FBXO17: variants seen among roughly 807,000 people sequenced by gnomAD.
FBXO17 encodes F-box protein 17.
In FBXO17, 43 loss-of-function variants were observed where a neutral mutation model predicts 34.1. That is an observed-to-expected ratio of 1.26 (90% CI 0.99 to 1.62). The LOEUF (loss-of-function observed/expected upper bound fraction) is 1.62, where lower values mean the gene tolerates loss of function less well. FBXO17 is among the 40% of genes most tolerant of loss of function. FBXO17 has a pLI of 0.00. For missense variants in FBXO17, 424 were observed against 386.7 expected, an observed-to-expected ratio of 1.10 and a Z score of -0.81; for synonymous variants, 169 against 166.0, an observed-to-expected ratio of 1.02 and a Z score of -0.14.
intron 1 of FBXO17, among the ~76,000 whole-genome samples, chr19:38,973,890 G>T (rs1159869838): frequency 6.6e-6 from 1 of 151,234 alleles, no homozygotes; most frequent in South Asian, 2.1e-4. Flanking sequence ...GGCTGAGGTG[G>T]GAGGATCTCT....
At chr19:38,965,919 G>C (rs530329081) in intron 1 of FBXO17, among the ~76,000 whole-genome samples, 56 of 152,196 alleles carry the variant, frequency 3.7e-4, no homozygotes, top group Non-Finnish European at 1.2e-4. Flanking sequence ...TGGAATTACA[G>C]GCATGAGCCG....
intron 1 of FBXO17, chr19:38,952,860 C>T (rs183700427): frequency 6.3e-4 from 288 of 456,778 alleles, no homozygotes; most frequent in Middle Eastern, 2.3e-3. Context: ...CTTTTTCTTT[C>T]CACCTCATTC....
Position 38,964,153 on chromosome 19 carries a change from G to A in FBXO17, c.-18+11433C>T, listed in dbSNP as rs560413229. Among the ~76,000 whole-genome samples, 10 of 152,168 alleles carry A rather than the reference G, an allele frequency of 6.6e-5. No individual in the cohort carries two copies. In the South Asian group the frequency reaches 2.1e-3, roughly 32 times the overall value. ...GTCACATGGCAGGTGTATATTTAAC[G>A]TTACAAGAAAATGCCCAGCAGTTTT... On this transcript the variant is annotated intron_variant, in intron 1 of 5. Transcript: ENST00000292852.
At chr19:38,943,773 T>C (rs1465398012) in intron 5 of FBXO17, among the ~76,000 whole-genome samples, 1 of 151,956 alleles carries the variant, frequency 6.6e-6, no homozygotes, top group Non-Finnish European at 1.5e-5. Flanking sequence ...GTATTTTTAG[T>C]AGAGACAGGG....
intron 1 of FBXO17, among the ~76,000 whole-genome samples, chr19:38,963,210 C>T (rs1201448704): frequency 6.6e-6 from 1 of 152,008 alleles, no homozygotes; most frequent in Non-Finnish European, 1.5e-5. Context: ...CACAGTGGCT[C>T]ATGCCTGTAA....
At chr19:38,951,105 T>G (rs576972017) in intron 1 of FBXO17, among the ~76,000 whole-genome samples, 86 of 152,194 alleles carry the variant, frequency 5.7e-4, no homozygotes, top group Middle Eastern at 3.4e-3. Context: ...TTTCAAAGAT[T>G]TATAGGGGCA....
rs139677908 is a variant in FBXO17 at position 38,959,160 on chromosome 19, T to C, written c.-17-8824A>G. Reference sequence around the variant, plus strand: ...CCTGGGCTCAAGTGATCCTGTCGCCTTGGCCTCCCAAAGTGCTGGGATTAT... The same window carrying C: ...CCTGGGCTCAAGTGATCCTGTCGCCCTGGCCTCCCAAAGTGCTGGGATTAT... On this transcript the variant is annotated intron_variant, in intron 1 of 5. Transcript: ENST00000292852. Among the ~76,000 whole-genome samples the C allele has an allele frequency of 8.9e-3, 1,355 of 152,088 alleles. 19 individuals carry two copies. The highest frequency in any genetic ancestry group is 0.058 in the Middle Eastern group (17 of 292).
chr19:38,960,291 C>CT (rs55974809), intron 1 of FBXO17, among the ~76,000 whole-genome samples: 1 of 147,376 alleles, frequency 6.8e-6, no homozygotes. Flanking sequence ...GCCATTATTC[C>CT]TTTTTTTTTT....
At chr19:38,943,995 G>A (rs560173050) in intron 5 of FBXO17, among the ~76,000 whole-genome samples, 1 of 152,244 alleles carries the variant, frequency 6.6e-6, no homozygotes, top group South Asian at 2.1e-4. Flanking sequence ...AAAAAACTCT[G>A]CATCCATGAG....
intron 1 of FBXO17, among the ~76,000 whole-genome samples, chr19:38,960,732 T>A (rs573499614): frequency 1.3e-5 from 2 of 151,700 alleles, no homozygotes; most frequent in South Asian, 4.2e-4. Flanking sequence ...GGTCTTGAAC[T>A]CCTGACCTCA....
At chr19:38,959,718 C>T (rs1434958708) in intron 1 of FBXO17, among the ~76,000 whole-genome samples, 2 of 151,782 alleles carry the variant, frequency 1.3e-5, no homozygotes, top group Non-Finnish European at 1.5e-5. Context: ...CAGTGAAACC[C>T]CATCTCTAAA....
intron 2 of FBXO17, 64 bp from the exon 3 acceptor site, chr19:38,948,742 A>C: frequency 4.2e-6 from 6 of 1,432,182 alleles, no homozygotes; most frequent in East Asian, 4.6e-5. Flanking sequence ...AGACCCCGCA[A>C]CCAGCCAGCT....
chr19:38,945,237 C>G (rs1974958170), intron 4 of FBXO17, 133 bp from the exon 5 acceptor site: 1 of 1,212,864 alleles, frequency 8.2e-7, no homozygotes. Flanking sequence ...GACGTCCTGG[C>G]CTGGGAACCT....
intron 5 of FBXO17, among the ~76,000 whole-genome samples, chr19:38,943,222 T>A (rs1974919993): frequency 6.6e-6 from 1 of 151,352 alleles, no homozygotes; most frequent in African/African-American, 2.4e-5. Flanking sequence ...GGCTTTTTTT[T>A]TTTTTCCAAT....
chr19:38,950,088 C>G lies in FBXO17; in HGVS notation c.232G>C (p.Ala78Pro). 2.6e-6 allele frequency: 4 copies of G among 1,566,492 alleles called. No individual in the cohort carries two copies. Among genetic ancestry groups the G allele is most frequent in the Non-Finnish European group, 3.5e-6 (4 of 1,157,622 alleles). Residue 78 changes from alanine (A) to proline (P), a missense_variant, in exon 2 of 6, where the codon GCT (alanine) becomes CCT (proline). Ala to Pro is a conservative substitution (Grantham distance 27). Coordinates refer to ENST00000292852, the MANE Select transcript of FBXO17 (RefSeq NM_024907.7). Reference protein sequence around the residue: ...SAEGRALYAVAQRCLPSNEDK... With the variant: ...SAEGRALYAVPQRCLPSNEDK... ...TCGTTGCTGGGCAGGCAGCGTTGAG[C>G]CACTGCGTAGAGTGCGCGGCCCTCG... is the stretch of plus-strand genomic sequence containing the variant.
At position 38,974,713 on chromosome 19, in the gene FBXO17, T is replaced by A. The variant is rs145389552; in HGVS notation, c.-18+873A>T. On this transcript the variant is annotated intron_variant, in intron 1 of 5. Transcript: ENST00000292852. Reference sequence around the variant, plus strand: ...AAATAGATACCAGAGGAATAAAAAGTGGAAAAAGTTAAAAACGAGGCACCA... The same window carrying A: ...AAATAGATACCAGAGGAATAAAAAGAGGAAAAAGTTAAAAACGAGGCACCA... Among the ~76,000 whole-genome samples, 519 of 152,056 alleles carry A rather than the reference T, an allele frequency of 3.4e-3. 2 individuals carry two copies. Among genetic ancestry groups the A allele is most frequent in the African/African-American group, 0.012 (490 of 41,480 alleles).
intron 1 of FBXO17, among the ~76,000 whole-genome samples, chr19:38,956,189 C>T (rs1975164757): frequency 6.6e-6 from 1 of 151,408 alleles, no homozygotes; most frequent in South Asian, 2.1e-4. Flanking sequence ...TCACTTGAAC[C>T]CGGGAGGTGG....
chr19:38,958,026 A>C (rs1975191936), intron 1 of FBXO17, among the ~76,000 whole-genome samples: 1 of 148,940 alleles, frequency 6.7e-6, no homozygotes, highest in African/African-American at 2.5e-5. Flanking sequence ...GGATCACCTG[A>C]GCCAGGGAGG....
At chr19:38,961,912 G>C (rs10411199) in intron 1 of FBXO17, among the ~76,000 whole-genome samples, 114,469 of 151,766 alleles carry the variant, frequency 0.75, 43,905 homozygotes, top group East Asian at 0.96. Flanking sequence ...ATCCGCCTGC[G>C]TCGGCCTCCC....
Sources: allele counts gnomAD v4.1 joint callset (sites outside exome capture counted in the v4.1 genomes callset), GRCh38; gene constraint gnomAD v4.1.1; transcripts MANE v1.5; gene names NCBI Gene and HGNC (gene_info 2026-07-23, HGNC 2026-07-21).